The following RAB4A variants were observed in gnomAD, a reference collection of about 807,000 sequenced individuals.
The protein encoded by RAB4A is RAB4A, member RAS oncogene family.
RAB4A carries 20 observed loss-of-function variants against 34.5 expected under a neutral mutation model. The observed-to-expected ratio is 0.58, with a 90% CI of 0.41 to 0.84. The LOEUF (loss-of-function observed/expected upper bound fraction) is 0.84. Ranked by LOEUF, RAB4A falls within the 40% of genes least tolerant of loss-of-function variation. The pLI, the probability that RAB4A is intolerant of heterozygous loss-of-function variation, is 0.00. For missense variants in RAB4A, 228 were observed against 274.5 expected (o/e 0.83, Z 1.20); for synonymous variants, 102 against 100.0 (o/e 1.02, Z -0.12).
At chr1:229,298,506 T>G (rs1030888387) in intron 5 of RAB4A, among the ~76,000 whole-genome samples, 26 of 152,168 alleles carry the variant, frequency 1.7e-4, no homozygotes, top group Non-Finnish European at 3.4e-4. Flanking sequence ...CTCTGGTGGG[T>G]AGAAAGAGTA....
At chr1:229,302,809 G>T in intron 6 of RAB4A, 53 bp from the exon 7 acceptor site, 2 of 1,244,204 alleles carry the variant, frequency 1.6e-6, no homozygotes, top group South Asian at 1.3e-5. Context: ...TCTATTTTTG[G>T]AATCAAAGAA....
In RAB4A at chr1:229,302,948, G is replaced by T; in HGVS notation, c.628G>T (p.Ala210Ser). ...GCTGAGGTCACCGCGGCGCGCACAG[G>T]CCCCGAACGCTCAGGAGTGTGGTTG... ...RQLRSPRRAQ[A>S]PNAQECGC The change falls in exon 7 of 8, where the codon GCC becomes TCC. Residue 210 changes from alanine to serine, a missense_variant. Transcript: ENST00000366690. 1.2e-6 allele frequency: 2 copies of T among 1,613,928 alleles called. No homozygotes were observed. The highest frequency in any genetic ancestry group is 8.5e-7 in the Non-Finnish European group (1 of 1,179,892).
intron 2 of RAB4A, among the ~76,000 whole-genome samples, 169 bp downstream of exon 2, chr1:229,286,735 A>G (rs1160007705): frequency 6.6e-6 from 1 of 152,208 alleles, no homozygotes; most frequent in African/African-American, 2.4e-5. Flanking sequence ...TTATTAAGTT[A>G]GCATTTCTAT....
chr1:229,302,295 ATATATATATATATATTT>A lies in RAB4A; in HGVS notation c.542-565_542-549del, dbSNP rs1320157921. Among the ~76,000 whole-genome samples the A allele has an allele frequency of 5.6e-4, 14 of 25,196 alleles. 1 individual carries two copies. The highest frequency in any genetic ancestry group is 9.6e-4 in the South Asian group (1 of 1,042). The allele number at this position is 25,196 out of a possible 152,430, so 16.5% of individuals were successfully genotyped here. A position where few individuals can be genotyped will look rare whatever the true frequency, so the allele number is the denominator to read the frequency against. On this transcript the variant is annotated intron_variant, in intron 6 of 7. Transcript: ENST00000366690. ...TATATATATATATATATATATATAT[ATATATATATATATATTT>A]TTTTTTTTTTTTTACATGTGCATGA...
chr1:229,298,046 G>C (rs1441879435), intron 5 of RAB4A, among the ~76,000 whole-genome samples: 2 of 152,000 alleles, frequency 1.3e-5, no homozygotes, highest in East Asian at 3.8e-4. Flanking sequence ...TGGCTTTTTG[G>C]CTTCATTTTA....
At chr1:229,283,859 T>C (rs943600958) in intron 1 of RAB4A, among the ~76,000 whole-genome samples, 7 of 151,632 alleles carry the variant, frequency 4.6e-5, no homozygotes, top group Non-Finnish European at 1.0e-4. Context: ...CCCAAGTAGC[T>C]GGGATTACAG....
chr1:229,277,928 TATCTC>T (rs1656691350), intron 1 of RAB4A, among the ~76,000 whole-genome samples: 1 of 151,340 alleles, frequency 6.6e-6, no homozygotes, highest in African/African-American at 2.5e-5. Flanking sequence ...GCAGTGGCAT[TATCTC>T]AGCTCACTGC....
At chr1:229,290,808 A>G (rs1289767285) in intron 3 of RAB4A, among the ~76,000 whole-genome samples, 1 of 152,240 alleles carries the variant, frequency 6.6e-6, no homozygotes, top group Admixed American at 6.5e-5. Context: ...AATGGGAGAG[A>G]TGACATAAAG....
At chr1:229,286,351 A>T in intron 1 of RAB4A, 135 bp from the exon 2 acceptor site, 1 of 596,174 alleles carries the variant, frequency 1.7e-6, no homozygotes. Context: ...ATGTATTGTC[A>T]TTTCACAAGA....
intron 3 of RAB4A, among the ~76,000 whole-genome samples, chr1:229,289,719 G>T (rs1017705021): frequency 1.3e-5 from 2 of 152,176 alleles, no homozygotes; most frequent in African/African-American, 4.8e-5. Flanking sequence ...TGGAGGCTGA[G>T]GCAGGAAAAT....
intron 1 of RAB4A, among the ~76,000 whole-genome samples, chr1:229,272,990 ATGT>A (rs1277125330): frequency 3.3e-5 from 5 of 152,238 alleles, no homozygotes; most frequent in African/African-American, 9.6e-5. Flanking sequence ...ACAGTCAGAA[ATGT>A]TGTAAGGAAA....
At chr1:229,301,514 T>G (rs942823073) in intron 6 of RAB4A, among the ~76,000 whole-genome samples, 4 of 152,240 alleles carry the variant, frequency 2.6e-5, no homozygotes, top group African/African-American at 9.6e-5. Context: ...CTGTTGAGTA[T>G]TATTAAGCTC....
At chr1:229,275,681 C>T (rs1656624371) in intron 1 of RAB4A, among the ~76,000 whole-genome samples, 1 of 146,760 alleles carries the variant, frequency 6.8e-6, no homozygotes, top group Admixed American at 7.0e-5. Context: ...AGTGCAGTGG[C>T]ACAATCTCGG....
At chr1:229,284,961 T>A (rs1483326389) in intron 1 of RAB4A, among the ~76,000 whole-genome samples, 1 of 152,184 alleles carries the variant, frequency 6.6e-6, no homozygotes, top group Non-Finnish European at 1.5e-5. Flanking sequence ...TTATTCTGAT[T>A]CACTAATTCT....
At chr1:229,284,032 C>G (rs9435833) in intron 1 of RAB4A, among the ~76,000 whole-genome samples, 3 of 149,864 alleles carry the variant, frequency 2.0e-5, no homozygotes, top group Non-Finnish European at 4.4e-5. Context: ...CCACTGCGCC[C>G]GGCCTCAGAG....
intron 1 of RAB4A, among the ~76,000 whole-genome samples, chr1:229,285,439 C>T (rs899332127): frequency 2.0e-5 from 3 of 152,064 alleles, no homozygotes; most frequent in East Asian, 1.9e-4. Flanking sequence ...TCTTAAGAAA[C>T]GTGACAGAGC....
At chr1:229,299,636 G>A (rs1462924628) in intron 6 of RAB4A, among the ~76,000 whole-genome samples, 1 of 152,178 alleles carries the variant, frequency 6.6e-6, no homozygotes, top group African/African-American at 2.4e-5. Flanking sequence ...ACGAAATACT[G>A]TGTAGTTGTC....
chr1:229,294,992 T>TTC (rs1553301769), intron 3 of RAB4A, among the ~76,000 whole-genome samples: 3 of 151,786 alleles, frequency 2.0e-5, no homozygotes, highest in South Asian at 2.1e-4. Context: ...TTTTTTTTTT[T>TTC]CTTTCTGTTG....
chr1:229,300,171 G>T (rs533776404), intron 6 of RAB4A, among the ~76,000 whole-genome samples: 2 of 152,290 alleles, frequency 1.3e-5, no homozygotes, highest in South Asian at 2.1e-4. Flanking sequence ...CTGAAGTATG[G>T]TCGAGGCACC....
Sources: allele counts gnomAD v4.1 joint callset (sites outside exome capture counted in the v4.1 genomes callset), GRCh38; gene constraint gnomAD v4.1.1; transcripts MANE v1.5; gene names NCBI Gene and HGNC (gene_info 2026-07-23, HGNC 2026-07-21).